Variants in TEAD1 observed in about 807,000 individuals in gnomAD.
TEAD1 encodes TEA domain transcription factor 1, also known as transcriptional enhancer factor TEF-1.
A neutral mutation model predicts 54.9 loss-of-function variants in TEAD1; 9 were observed. That is an observed-to-expected ratio of 0.16 (90% CI 0.10 to 0.29). The LOEUF (loss-of-function observed/expected upper bound fraction) is 0.29, where lower values mean the gene tolerates loss of function less well. Ranked by LOEUF, TEAD1 falls within the 10% of genes least tolerant of loss-of-function variation. TEAD1 has a pLI of 1.00. For missense variants in TEAD1, 387 were observed against 535.9 expected, an observed-to-expected ratio of 0.72 and a Z score of 2.74; for synonymous variants, 200 against 187.8, an observed-to-expected ratio of 1.07 and a Z score of -0.53.
At position 12,926,675 on chromosome 11, in the gene TEAD1, A is replaced by T. The variant is rs569017900; in HGVS notation, c.1014+1623A>T. 5.9e-5 allele frequency among the ~76,000 whole-genome samples: 9 copies of T among 152,316 alleles called. No individual in the cohort carries two copies. The South Asian group carries it at 1.4e-3, about 25-fold the overall frequency. ...ATGGAGACCTAGCTGCAGAGAGGGAATAGAAAGGGCACAGGAATAAGGATT... is the reference window on the plus strand; with the variant it reads ...ATGGAGACCTAGCTGCAGAGAGGGATTAGAAAGGGCACAGGAATAAGGATT... On this transcript the variant is annotated intron_variant, in intron 11 of 12. Coordinates refer to ENST00000527636, the MANE Select transcript of TEAD1 (RefSeq NM_021961.6).
chr11:12,835,056 C>CA (rs1368626051), intron 3 of TEAD1, among the ~76,000 whole-genome samples: 2 of 152,112 alleles, frequency 1.3e-5, no homozygotes, highest in Non-Finnish European at 2.9e-5. Context: ...CAATATATAT[C>CA]ACTTTCATGG....
chr11:12,680,193 G>A (rs912586965), intron 2 of TEAD1, among the ~76,000 whole-genome samples: 2 of 152,080 alleles, frequency 1.3e-5, no homozygotes, highest in Admixed American at 6.6e-5. Flanking sequence ...CGTCTTTGAC[G>A]GCTTTCATCC....
At chr11:12,751,745 C>G (rs1364048575) in intron 2 of TEAD1, among the ~76,000 whole-genome samples, 1 of 151,994 alleles carries the variant, frequency 6.6e-6, no homozygotes, top group African/African-American at 2.4e-5. Flanking sequence ...GCATGCAAGA[C>G]TGTAAAATAG....
At chr11:12,809,275 T>C (rs1430590088) in intron 3 of TEAD1, among the ~76,000 whole-genome samples, 2 of 152,186 alleles carry the variant, frequency 1.3e-5, no homozygotes, top group Non-Finnish European at 2.9e-5. Context: ...TCCTGGTTCT[T>C]GTTCCTGGTG....
chr11:12,704,650 G>A (rs1290355602), intron 2 of TEAD1, among the ~76,000 whole-genome samples: 1 of 152,200 alleles, frequency 6.6e-6, no homozygotes, highest in Non-Finnish European at 1.5e-5. Flanking sequence ...TCGTCTGCGT[G>A]TTGGATTTAC....
At chr11:12,921,990 A>G (rs1948815118) in intron 10 of TEAD1, among the ~76,000 whole-genome samples, 1 of 152,234 alleles carries the variant, frequency 6.6e-6, no homozygotes, top group Non-Finnish European at 1.5e-5. Context: ...ATGTGAGGAA[A>G]GCTCACTACA....
At chr11:12,923,374 C>CT (rs1376865786) in intron 10 of TEAD1, among the ~76,000 whole-genome samples, 1 of 152,150 alleles carries the variant, frequency 6.6e-6, no homozygotes, top group East Asian at 1.9e-4. Flanking sequence ...AGAAGTGTCC[C>CT]TGACCCTGGG....
chr11:12,718,147 C>T (rs1216386982), intron 2 of TEAD1, among the ~76,000 whole-genome samples: 1 of 152,194 alleles, frequency 6.6e-6, no homozygotes, highest in African/African-American at 2.4e-5. Context: ...TCTCCTCCCA[C>T]CATGTCATAC....
chr11:12,728,730 A>T (rs749693533), intron 2 of TEAD1, among the ~76,000 whole-genome samples: 7 of 152,260 alleles, frequency 4.6e-5, no homozygotes, highest in Non-Finnish European at 7.3e-5. Flanking sequence ...AATACATTTT[A>T]AAAATGTAAA....
intron 3 of TEAD1, among the ~76,000 whole-genome samples, chr11:12,805,897 T>A (rs1333414750): frequency 6.6e-6 from 1 of 152,216 alleles, no homozygotes. Context: ...CTTTTATTTT[T>A]TTCACTAGGA....
chr11:12,910,961 G>T (rs1837531), intron 10 of TEAD1, among the ~76,000 whole-genome samples: 40,836 of 151,904 alleles, frequency 0.27, 7,093 homozygotes, highest in East Asian at 0.5. Context: ...TGGCCAGGCT[G>T]GTCTTGAACT....
chr11:12,932,167 G>A (rs1200293215), intron 12 of TEAD1, among the ~76,000 whole-genome samples: 1 of 152,196 alleles, frequency 6.6e-6, no homozygotes, highest in Non-Finnish European at 1.5e-5. Context: ...TGGAATACAT[G>A]CTCTTTAATA....
intron 2 of TEAD1, among the ~76,000 whole-genome samples, chr11:12,731,602 A>G (rs4561195): frequency 0.13 from 19,733 of 152,098 alleles, 4,351 homozygotes; most frequent in African/African-American, 0.45. Context: ...ATTCCCGCTT[A>G]TCAGATATTT....
intron 2 of TEAD1, among the ~76,000 whole-genome samples, chr11:12,749,122 G>A (rs1944811816): frequency 6.6e-6 from 1 of 152,182 alleles, no homozygotes; most frequent in South Asian, 2.1e-4. Context: ...CCAGAACTGT[G>A]TGTGTGTGAG....
intron 5 of TEAD1, among the ~76,000 whole-genome samples, chr11:12,879,117 G>A (rs750926974): frequency 6.6e-6 from 1 of 152,062 alleles, no homozygotes; most frequent in Non-Finnish European, 1.5e-5. Context: ...CATGCACCCC[G>A]CCAGCATGCT....
intron 9 of TEAD1, among the ~76,000 whole-genome samples, chr11:12,899,351 G>A (rs1333183263): frequency 6.6e-6 from 1 of 152,052 alleles, no homozygotes; most frequent in African/African-American, 2.4e-5. Context: ...TTGTGTTTCT[G>A]ATTGCCTTTA....
At chr11:12,763,315 A>T (rs1945137369) in intron 2 of TEAD1, among the ~76,000 whole-genome samples, 1 of 152,246 alleles carries the variant, frequency 6.6e-6, no homozygotes, top group Non-Finnish European at 1.5e-5. Flanking sequence ...TCAGGAATTC[A>T]GCATAGGCTA....
chr11:12,778,262 C>G (rs1056248149), intron 3 of TEAD1, among the ~76,000 whole-genome samples: 1 of 152,102 alleles, frequency 6.6e-6, no homozygotes, highest in Non-Finnish European at 1.5e-5. Flanking sequence ...TATCCTGGCT[C>G]CAGTCCTGGA....
intron 2 of TEAD1, among the ~76,000 whole-genome samples, chr11:12,725,841 C>G (rs967532405): frequency 9.9e-5 from 15 of 152,176 alleles, no homozygotes; most frequent in Admixed American, 9.2e-4. Flanking sequence ...TCAGTCCTGT[C>G]ACCCGGGTGT....
Sources: allele counts gnomAD v4.1 joint callset (sites outside exome capture counted in the v4.1 genomes callset), GRCh38; gene constraint gnomAD v4.1.1; transcripts MANE v1.5; gene names NCBI Gene and HGNC (gene_info 2026-07-23, HGNC 2026-07-21).